Variants in FUBP3 observed in about 807,000 individuals in gnomAD.
FUBP3 encodes the protein far upstream element-binding protein 3.
FUBP3 carries 28 observed loss-of-function variants against 85.6 expected under a neutral mutation model. That is an observed-to-expected ratio of 0.33 (90% CI 0.24 to 0.45). FUBP3 has a LOEUF of 0.45. Among genes scored for constraint, FUBP3 ranks in the 20% least tolerant of loss-of-function variants. The pLI is 1.00. For synonymous variants in FUBP3, 271 were observed against 271.4 expected, an observed-to-expected ratio of 1.00 and a Z score of 0.01; for missense variants, 583 against 755.1, an observed-to-expected ratio of 0.77 and a Z score of 2.67.
At chr9:130,606,689 G>A (rs902719944) in intron 2 of FUBP3, among the ~76,000 whole-genome samples, 8 of 152,084 alleles carry the variant, frequency 5.3e-5, no homozygotes, top group Admixed American at 3.3e-4. Context: ...GCGTAGTGGC[G>A]CATGCCTGTA....
intron 1 of FUBP3, among the ~76,000 whole-genome samples, chr9:130,591,951 G>T (rs1004965894): frequency 6.6e-6 from 1 of 152,192 alleles, no homozygotes; most frequent in Non-Finnish European, 1.5e-5. Flanking sequence ...AGAGAAAAGG[G>T]CCAGGCGCAG....
At chr9:130,620,181 T>C (rs1381512200) in intron 8 of FUBP3, among the ~76,000 whole-genome samples, 173 bp from the exon 9 acceptor site, 2 of 152,190 alleles carry the variant, frequency 1.3e-5, no homozygotes, top group East Asian at 1.9e-4. Context: ...AACACATCAC[T>C]TAAGATACGA....
At chr9:130,632,089 C>G in intron 15 of FUBP3, 67 bp downstream of exon 15, 3 of 1,471,254 alleles carry the variant, frequency 2.0e-6, no homozygotes, top group Non-Finnish European at 2.9e-6. Flanking sequence ...CTATTGCCGA[C>G]AGGCAAGGGT....
chr9:130,631,827 A>G (rs1588167157), intron 14 of FUBP3, 115 bp from the exon 15 acceptor site: 1 of 868,806 alleles, frequency 1.2e-6, no homozygotes, highest in Non-Finnish European at 1.9e-6. Flanking sequence ...GGAGCCTCTC[A>G]GAGGGCAGAG....
chr9:130,605,999 C>A (rs568179411), intron 2 of FUBP3, among the ~76,000 whole-genome samples: 39 of 152,122 alleles, frequency 2.6e-4, no homozygotes, highest in Admixed American at 5.9e-4. Context: ...ACAACAACAA[C>A]AAAAAAGAGT....
chr9:130,602,643 G>A (rs1025906734), intron 2 of FUBP3, among the ~76,000 whole-genome samples: 3 of 152,136 alleles, frequency 2.0e-5, no homozygotes, highest in Admixed American at 6.5e-5. Context: ...GACAGATATT[G>A]GAGGGATGAA....
chr9:130,606,216 C>T (rs377047216), intron 2 of FUBP3, among the ~76,000 whole-genome samples: 3 of 152,096 alleles, frequency 2.0e-5, no homozygotes, highest in African/African-American at 7.2e-5. Context: ...GAATCCTCAC[C>T]GCTAAGTGTG....
At chr9:130,602,511 T>C (rs1564200182) in intron 2 of FUBP3, among the ~76,000 whole-genome samples, 1 of 151,988 alleles carries the variant, frequency 6.6e-6, no homozygotes. Flanking sequence ...GTGAGAGCCA[T>C]GATGCCCGGA....
At chr9:130,592,361 T>C (rs1385891435) in intron 1 of FUBP3, among the ~76,000 whole-genome samples, 1 of 152,242 alleles carries the variant, frequency 6.6e-6, no homozygotes, top group African/African-American at 2.4e-5. Flanking sequence ...CACTCTGAGA[T>C]GAGTGTGGCT....
intron 2 of FUBP3, among the ~76,000 whole-genome samples, chr9:130,601,534 A>G (rs867376561): frequency 6.6e-6 from 1 of 152,118 alleles, no homozygotes; most frequent in Non-Finnish European, 1.5e-5. Context: ...TGGCGGGGGT[A>G]AGGCCATGCA....
At chr9:130,610,377 A>G (rs1230136654) in intron 3 of FUBP3, among the ~76,000 whole-genome samples, 1 of 152,180 alleles carries the variant, frequency 6.6e-6, no homozygotes, top group Non-Finnish European at 1.5e-5. Flanking sequence ...AGACACTCAC[A>G]AGAGAATGCT....
At chr9:130,604,184 A>T (rs1057510590) in intron 2 of FUBP3, among the ~76,000 whole-genome samples, 1 of 152,200 alleles carries the variant, frequency 6.6e-6, no homozygotes, top group African/African-American at 2.4e-5. Flanking sequence ...TTGGGAACGG[A>T]GAACAGATTA....
rs553230368 is a variant in FUBP3, at chr9:130,596,412, G to GTA, written c.190+826_190+827dup. Among the ~76,000 whole-genome samples, 320 of 152,250 alleles carry GTA rather than the reference G, an allele frequency of 2.1e-3. 3 individuals are homozygous for GTA. The highest frequency in any genetic ancestry group is 7.0e-3 in the African/African-American group (290 of 41,552). On this transcript the variant is annotated intron_variant, in intron 2 of 18. Coordinates refer to ENST00000319725, the MANE Select transcript of FUBP3 (RefSeq NM_003934.2). ...ATGTGAAAAATGAAGATGTAGAACA[G>GTA]TATGTATTATATAATCTTTTCTCCC...
rs906910489 is a variant in FUBP3 at position 130,626,268 on chromosome 9, G to A, written c.976-96G>A. 7 of 1,323,310 alleles carry A rather than the reference G, an allele frequency of 5.3e-6. No homozygotes were observed. In the African/African-American group the frequency reaches 1.0e-4, roughly 19 times the overall value. 82.0% of individuals were successfully genotyped at this position (1,323,310 alleles called of 1,614,324 possible). On this transcript the variant is annotated intron_variant, in intron 11 of 18. Coordinates refer to ENST00000319725, the MANE Select transcript of FUBP3 (RefSeq NM_003934.2). ...GTGCTAGGTTCTGATGGGTGGCATT[G>A]ATTACATCCTGTCACTTAACCTCCT... is the stretch of plus-strand genomic sequence containing the variant.
rs1343275580 is a variant in FUBP3 at position 130,626,351 on chromosome 9, G to A, written c.976-13G>A. 1.9e-6 allele frequency: 3 copies of A among 1,609,110 alleles called. No homozygotes were observed. The highest frequency in any genetic ancestry group is 2.5e-6 in the Non-Finnish European group (3 of 1,177,786). ...CAGTGGCAGAGGTCGCTACAGCCCT[G>A]TGATCTTTCCAGGAAAGAGACGGCT... On this transcript the variant is annotated splice_polypyrimidine_tract_variant and intron_variant, in intron 11 of 18. Coordinates refer to ENST00000319725, the MANE Select transcript of FUBP3 (RefSeq NM_003934.2).
intron 16 of FUBP3, among the ~76,000 whole-genome samples, chr9:130,633,573 A>G (rs1830300077): frequency 6.6e-6 from 1 of 152,256 alleles, no homozygotes; most frequent in African/African-American, 2.4e-5. Flanking sequence ...GCCATTGGGC[A>G]GCCTTCATCT....
Position 130,630,808 on chromosome 9 carries a change from C to T in FUBP3, c.1278+20C>T. 19 of 1,446,520 alleles carry T rather than the reference C, an allele frequency of 1.3e-5. No homozygotes were observed. The highest frequency in any genetic ancestry group is 1.6e-5 in the Non-Finnish European group (18 of 1,095,762). 89.6% of individuals were successfully genotyped at this position (1,446,520 alleles called of 1,614,324 possible). A position where few individuals can be genotyped will look rare whatever the true frequency, so the allele number is the denominator to read the frequency against. ...GTTGGCGTACGTACAGGGTCCTTCC[C>T]CCACCTGGTTTACTCATAGCTGTTT... On this transcript the variant is annotated intron_variant, in intron 13 of 18. Coordinates refer to ENST00000319725, the MANE Select transcript of FUBP3 (RefSeq NM_003934.2).
Position 130,579,610 on chromosome 9 carries a change from A to AGGCCGGACCGGGGAGCCGAGC in FUBP3, c.-67_-47dup, listed in dbSNP as rs1482125692. On this transcript the variant is annotated 5_prime_UTR_variant, in exon 1 of 19. Transcript: ENST00000319725. ...GCTACGGGTCCCCAAGCGGAGCGGG[A>AGGCCGGACCGGGGAGCCGAGC]GGCCGGACCGGGGAGCCGAGCGGCG... is the stretch of plus-strand genomic sequence containing the variant. 7.3e-6 allele frequency: 7 copies of AGGCCGGACCGGGGAGCCGAGC among 964,384 alleles called. No homozygotes were observed. Among genetic ancestry groups the AGGCCGGACCGGGGAGCCGAGC allele is most frequent in the Admixed American group, 8.7e-5 (2 of 22,904 alleles). 59.7% of individuals were successfully genotyped at this position (964,384 alleles called of 1,614,324 possible).
chr9:130,599,173 T>A (rs1020866877), intron 2 of FUBP3, among the ~76,000 whole-genome samples: 4 of 151,986 alleles, frequency 2.6e-5, no homozygotes, highest in Admixed American at 1.3e-4. Context: ...GCGCCTGTAG[T>A]CCCAGCTGCT....
Sources: allele counts gnomAD v4.1 joint callset (sites outside exome capture counted in the v4.1 genomes callset), GRCh38; gene constraint gnomAD v4.1.1; transcripts MANE v1.5; gene names NCBI Gene and HGNC (gene_info 2026-07-23, HGNC 2026-07-21).